PTBP1: variants seen among roughly 807,000 people sequenced by gnomAD.
PTBP1 encodes the protein polypyrimidine tract binding protein 1, also known as polypyrimidine tract-binding protein 1.
Under a neutral mutation model 59.8 loss-of-function variants are expected in PTBP1, and 8 were observed. That is an observed-to-expected ratio of 0.13 (90% CI 0.08 to 0.24). The LOEUF is 0.24. PTBP1 is among the 10% of genes least tolerant of loss of function. The pLI is 1.00. For missense variants in PTBP1, 686 were observed against 767.0 expected (o/e 0.89, Z 1.25); for synonymous variants, 490 against 320.7 (o/e 1.53, Z -5.64).
chr19:808,742 G>A lies in PTBP1; in HGVS notation c.1443G>A (p.Thr481=), dbSNP rs1135908. 20 of 1,611,660 alleles carry A rather than the reference G, an allele frequency of 1.2e-5. No homozygotes were observed. The highest frequency in any genetic ancestry group is 1.1e-4 in the South Asian group (10 of 90,898). The change falls in exon 13 of 15, where the codon ACG becomes ACA. Residue 481 remains threonine, a synonymous_variant. Transcript: ENST00000356948. The surrounding 1 kb of genome is among the most constrained non-coding windows in gnomAD (Gnocchi z 4.7). ...NFQNIFPPSA[T]LHLSNIPPSV... ...AGAACATATTCCCGCCCTCGGCCAC[G>A]CTGCACCTCTCCAACATCCCGTGAG...
Position 804,341 on chromosome 19 carries a change from A to G in PTBP1, c.338A>G (p.Tyr113Cys), listed in dbSNP as rs751656120. 1.9e-6 allele frequency: 3 copies of G among 1,613,604 alleles called. No homozygotes were observed. Among genetic ancestry groups the G allele is most frequent in the Non-Finnish European group, 2.5e-6 (3 of 1,179,976 alleles). Residue 113 changes from tyrosine to cysteine, a missense_variant, in exon 5 of 15, where the codon TAC becomes TGC. Coordinates refer to ENST00000356948, the MANE Select transcript of PTBP1 (RefSeq NM_002819.5). ...TEEAANTMVN[Y>C]YTSVTPVLRG... The stretch of plus-strand genomic sequence containing the variant: ...GAGGCTGCCAACACCATGGTGAACT[A>G]CTACACCTCGGTGACCCCTGTGCTG...
Position 810,139 on chromosome 19 carries a change from T to C in PTBP1, c.1464-404T>C, listed in dbSNP as rs535774719. On this transcript the variant is annotated intron_variant, in intron 13 of 14. Coordinates refer to ENST00000356948, the MANE Select transcript of PTBP1 (RefSeq NM_002819.5). ...CTGGCCAACCTGGTGAAACCCCGTC[T>C]CTACTAAAAATAAAAAAATTAGCCT... is the stretch of plus-strand genomic sequence containing the variant. 2.6e-5 allele frequency among the ~76,000 whole-genome samples: 4 copies of C among 152,254 alleles called. No individual in the cohort carries two copies. In the South Asian group the frequency reaches 8.3e-4, roughly 32 times the overall value.
chr19:805,962 G>A (rs527901318), intron 9 of PTBP1: 3 of 266,144 alleles, frequency 1.1e-5, no homozygotes, highest in South Asian at 1.0e-4. Flanking sequence ...GTGCGTGGCC[G>A]TCCTCCCGCT....
intron 10 of PTBP1, chr19:807,583 C>T (rs951396834): frequency 4.7e-6 from 2 of 422,080 alleles, no homozygotes; most frequent in East Asian, 3.8e-5. Context: ...TTTTCTTGCC[C>T]TGATCCGGAA....
At chr19:805,646 C>T in intron 9 of PTBP1, 77 bp downstream of exon 9, 5 of 1,305,790 alleles carry the variant, frequency 3.8e-6, no homozygotes, top group South Asian at 1.2e-5. Flanking sequence ...GCATCCACGG[C>T]GGCAGCCTGG....
chr19:805,689 C>T (rs932072809), intron 9 of PTBP1, 120 bp downstream of exon 9: 22 of 864,896 alleles, frequency 2.5e-5, no homozygotes, highest in Non-Finnish European at 3.5e-5. Flanking sequence ...AGGTCAGGGG[C>T]CCTTCCCGGG....
At chr19:807,966 A>T in intron 11 of PTBP1, 64 bp downstream of exon 11, 1 of 1,449,362 alleles carries the variant, frequency 6.9e-7, no homozygotes, top group Middle Eastern at 1.7e-4. Flanking sequence ...TGATGCCCTG[A>T]GACGTATTAT....
rs757193708 is a variant in PTBP1 at position 805,006 on chromosome 19, C to G, written c.718-7C>G. On this transcript the variant is annotated splice_polypyrimidine_tract_variant and splice_region_variant and intron_variant, in intron 7 of 14. Coordinates refer to ENST00000356948, the MANE Select transcript of PTBP1 (RefSeq NM_002819.5). Reference sequence around the variant, plus strand: ...CCGGCGACGTCTCACGGTCCCTCTCCCCTCAGTCGCTGGACGGGCAGAACA... The same window carrying G: ...CCGGCGACGTCTCACGGTCCCTCTCGCCTCAGTCGCTGGACGGGCAGAACA... The G allele has an allele frequency of 3.1e-6, 5 of 1,613,282 alleles. No individual in the cohort carries two copies. The highest frequency in any genetic ancestry group is 1.3e-5 in the African/African-American group (1 of 74,904).
chr19:797,879 C>A (rs550523599), intron 1 of PTBP1, among the ~76,000 whole-genome samples: 1 of 148,926 alleles, frequency 6.7e-6, no homozygotes, highest in African/African-American at 2.4e-5. Flanking sequence ...TTCCCGCCTC[C>A]CGTCCGCTCC....
At chr19:805,354 C>T in intron 8 of PTBP1, 138 bp from the exon 9 acceptor site, 4 of 1,190,088 alleles carry the variant, frequency 3.4e-6, no homozygotes, top group South Asian at 1.4e-5. Context: ...GGACCACGGC[C>T]CCCCCTGGAG....
intron 13 of PTBP1, among the ~76,000 whole-genome samples, chr19:809,460 A>G (rs895711630): frequency 2.6e-5 from 4 of 152,008 alleles, no homozygotes; most frequent in Non-Finnish European, 4.4e-5. Flanking sequence ...GGGAGGGACT[A>G]TAGGTGCCCG....
rs775793649 is a variant in PTBP1, at chr19:806,391, A to T, written c.971-17A>T. 1.3e-6 allele frequency: 2 copies of T among 1,593,452 alleles called. No homozygotes were observed. The highest frequency in any genetic ancestry group is 3.4e-5 in the Admixed American group (2 of 58,072). On this transcript the variant is annotated splice_polypyrimidine_tract_variant and intron_variant, in intron 9 of 14. Transcript: ENST00000356948. ...AGTCGGGGGCGCCGCCGCTCATCTC[A>T]CCTCCTGCTTTTCCAGGCCTTTCCG...
chr19:805,927 C>T, intron 9 of PTBP1: 1 of 314,952 alleles, frequency 3.2e-6, no homozygotes, highest in Non-Finnish European at 5.9e-6. Context: ...CGAGGCTGAG[C>T]AGCATGACCG....
rs1293240924 is a variant in PTBP1 at position 808,227 on chromosome 19, C to T, written c.1154-133C>T. The T allele has an allele frequency of 5.3e-6, 4 of 752,264 alleles. No homozygotes were observed. The highest frequency in any genetic ancestry group is 3.5e-5 in the African/African-American group (2 of 57,228). The allele number at this position is 752,264 out of a possible 1,614,324, so 46.6% of individuals were successfully genotyped here. A position where few individuals can be genotyped will look rare whatever the true frequency, so the allele number is the denominator to read the frequency against. ...CGCGCCCTGTGGCTGCGAGACGCAG[C>T]TCCGCAGTGGCCGATAAAGCAAACC... On this transcript the variant is annotated intron_variant, in intron 11 of 14. Transcript: ENST00000356948. The surrounding 1 kb of genome is among the most constrained non-coding windows in gnomAD (Gnocchi z 4.7).
intron 13 of PTBP1, among the ~76,000 whole-genome samples, chr19:810,104 C>A (rs949231186): frequency 6.6e-6 from 1 of 152,132 alleles, no homozygotes. Context: ...GTCAGGAGTT[C>A]AAGACCAACC....
At position 808,500 on chromosome 19, in the gene PTBP1, T is replaced by TGCGTTCCCTCTCGGGCGCC. The variant is rs1254691863; in HGVS notation, c.1247-45_1247-27dup. The TGCGTTCCCTCTCGGGCGCC allele has an allele frequency of 4.5e-6, 7 of 1,557,570 alleles. No individual in the cohort carries two copies. The highest frequency in any genetic ancestry group is 6.1e-6 in the Non-Finnish European group (7 of 1,152,288). On this transcript the variant is annotated intron_variant, in intron 12 of 14. Transcript: ENST00000356948. This position sits in a 1 kb window ranked among gnomAD's most constrained non-coding sequence, Gnocchi z 4.7. ...GGGTGGAGGGGGCAGGGGCGGGGGCTGCGTTCCCTCTCGGGCGCCTGGTCA... is the reference window on the plus strand; with the variant it reads ...GGGTGGAGGGGGCAGGGGCGGGGGCTGCGTTCCCTCTCGGGCGCCGCGTTCCCTCTCGGGCGCCTGGTCA...
At chr19:802,569 C>G (rs1419719206) in intron 2 of PTBP1, among the ~76,000 whole-genome samples, 1 of 152,136 alleles carries the variant, frequency 6.6e-6, no homozygotes, top group African/African-American at 2.4e-5. Context: ...GATGGAGGCT[C>G]CTTTGTTCCC....
At chr19:807,836 T>TC (rs1316243008) in intron 10 of PTBP1, 33 bp from the exon 11 acceptor site, 2 of 1,605,220 alleles carry the variant, frequency 1.2e-6, no homozygotes, top group Non-Finnish European at 1.7e-6. Flanking sequence ...CTCTCCCCTG[T>TC]CCCTCCGCTG....
rs1312231689 is a variant in PTBP1, at chr19:811,849, C to T, written c.*1023C>T. 6.6e-6 allele frequency: 1 copy of T among 152,466 alleles called. No individual in the cohort carries two copies. The highest frequency in any genetic ancestry group is 1.5e-5 in the Non-Finnish European group (1 of 68,040). 9.4% of individuals were successfully genotyped at this position (152,466 alleles called of 1,614,324 possible). On this transcript the variant is annotated 3_prime_UTR_variant, in exon 15 of 15. Transcript: ENST00000356948. ...CAAACTTCAGGGTTTTTTCTTCCTT[C>T]AAATTTTGGACCAAAGTCTCATTTC...
Sources: gnomAD v4.1 joint callset for allele counts (sites outside exome capture counted in the v4.1 genomes callset) on GRCh38, gnomAD v4.1.1 for gene constraint, Gnocchi (gnomAD v3.1) non-coding constraint, MANE v1.5 for transcripts, NCBI Gene and HGNC (gene_info 2026-07-23, HGNC 2026-07-21) for gene names.